Variants in IKBKB-DT observed in about 807,000 individuals in gnomAD.
The protein encoded by IKBKB-DT is IKBKB divergent transcript.
rs572379129 is a variant in IKBKB-DT at position 42,235,306 on chromosome 8, G to A, written n.1530-1447C>T. 3.4e-5 allele frequency among the ~76,000 whole-genome samples: 5 copies of A among 147,918 alleles called. No individual in the cohort carries two copies. The South Asian group carries it at 1.1e-3, about 32-fold the overall frequency. ...AGCAACCTCTGCTTTCCAGGTTCAA[G>A]TGATTCTCGTGCCTCAGCCTCCCAA... On this transcript the variant is annotated intron_variant and non_coding_transcript_variant, in intron 3 of 3. Coordinates refer to ENST00000518213, the Ensembl canonical transcript of IKBKB-DT.
intron 2 of IKBKB-DT, among the ~76,000 whole-genome samples, chr8:42,263,883 C>A (rs577668726): frequency 6.6e-6 from 1 of 152,320 alleles, no homozygotes; most frequent in South Asian, 2.1e-4. Context: ...ACGATTTTGG[C>A]TCACTGCAAC....
rs986673710 is a variant in IKBKB-DT at position 42,241,304 on chromosome 8, G to A, written n.1530-7445C>T. Among the ~76,000 whole-genome samples the A allele has an allele frequency of 1.6e-5, 2 of 126,308 alleles. 1 individual carries two copies. The highest frequency in any genetic ancestry group is 5.0e-4 in the South Asian group (2 of 4,020). 82.9% of individuals were successfully genotyped at this position (126,308 alleles called of 152,430 possible). On this transcript the variant is annotated intron_variant and non_coding_transcript_variant, in intron 3 of 3. Coordinates refer to ENST00000518213, the Ensembl canonical transcript of IKBKB-DT. Reference sequence around the variant, plus strand: ...CCAGTTGAAAATCTGTGGCCCAGGAGGCAGAGAATGTAATACCATTTTCTG... The same window carrying A: ...CCAGTTGAAAATCTGTGGCCCAGGAAGCAGAGAATGTAATACCATTTTCTG...
chr8:42,257,512 T>A (rs978981107), intron 3 of IKBKB-DT, among the ~76,000 whole-genome samples: 5 of 145,926 alleles, frequency 3.4e-5, no homozygotes, highest in Non-Finnish European at 7.7e-5. Context: ...AAAAAAAAAA[T>A]TAATAATAAA....
At chr8:42,253,316 A>G (rs1694511289) in intron 3 of IKBKB-DT, among the ~76,000 whole-genome samples, 1 of 152,182 alleles carries the variant, frequency 6.6e-6, no homozygotes, top group Non-Finnish European at 1.5e-5. Flanking sequence ...AAACCAATGT[A>G]TTTCTCAAAT....
chr8:42,248,823 G>A (rs920228137), intron 3 of IKBKB-DT, among the ~76,000 whole-genome samples: 2 of 149,854 alleles, frequency 1.3e-5, no homozygotes, highest in African/African-American at 5.0e-5. Flanking sequence ...GTTACAGTGA[G>A]CTGAGATCGT....
chr8:42,238,523 A>T (rs1806954544), intron 3 of IKBKB-DT, among the ~76,000 whole-genome samples: 1 of 152,222 alleles, frequency 6.6e-6, no homozygotes, highest in Non-Finnish European at 1.5e-5. Context: ...TTTTGCTAAG[A>T]TGCAGGTGTA....
intron 2 of IKBKB-DT, among the ~76,000 whole-genome samples, chr8:42,265,129 T>C (rs547797274): frequency 6.6e-6 from 1 of 152,162 alleles, no homozygotes; most frequent in African/African-American, 2.4e-5. Context: ...TCCCAAAGTG[T>C]TGGGATTACA....
chr8:42,261,406 T>C (rs1230181794), intron 3 of IKBKB-DT, among the ~76,000 whole-genome samples: 1 of 152,146 alleles, frequency 6.6e-6, no homozygotes, highest in Non-Finnish European at 1.5e-5. Flanking sequence ...ATTTAAAATG[T>C]AACACCAGTC....
chr8:42,237,646 G>A (rs1328316613), intron 3 of IKBKB-DT, among the ~76,000 whole-genome samples: 1 of 151,986 alleles, frequency 6.6e-6, no homozygotes, highest in Admixed American at 6.6e-5. Context: ...ACCAGTAAAG[G>A]CCAAGTGGGG....
chr8:42,238,707 A>G (rs189076656), intron 3 of IKBKB-DT, among the ~76,000 whole-genome samples: 15 of 152,180 alleles, frequency 9.9e-5, no homozygotes, highest in Admixed American at 2.6e-4. Context: ...CAGGCTTTTT[A>G]ATTCTGGGAC....
At chr8:42,250,299 G>T (rs796947485) in intron 3 of IKBKB-DT, among the ~76,000 whole-genome samples, 15 of 152,206 alleles carry the variant, frequency 9.9e-5, no homozygotes, top group African/African-American at 3.6e-4. Flanking sequence ...TCCAGGTGGA[G>T]CCATCGGTAT....
At chr8:42,246,595 C>T (rs764452439) in intron 3 of IKBKB-DT, among the ~76,000 whole-genome samples, 2 of 152,152 alleles carry the variant, frequency 1.3e-5, no homozygotes, top group Non-Finnish European at 2.9e-5. Flanking sequence ...CTTAGCTCTA[C>T]GATATCAGTA....
At chr8:42,235,739 G>A (rs906870895) in intron 3 of IKBKB-DT, among the ~76,000 whole-genome samples, 1 of 152,112 alleles carries the variant, frequency 6.6e-6, no homozygotes, top group Non-Finnish European at 1.5e-5. Context: ...CATCTCCCAC[G>A]TGGCATGGCC....
intron 3 of IKBKB-DT, among the ~76,000 whole-genome samples, chr8:42,260,577 G>A (rs1290503535): frequency 6.6e-6 from 1 of 151,186 alleles, no homozygotes; most frequent in Non-Finnish European, 1.5e-5. Context: ...GGCTGAGGCA[G>A]GGGAATCGCT....
intron 3 of IKBKB-DT, among the ~76,000 whole-genome samples, chr8:42,258,820 GT>G (rs1807242456): frequency 6.6e-6 from 1 of 151,934 alleles, no homozygotes; most frequent in South Asian, 2.1e-4. Flanking sequence ...TTGCATACAA[GT>G]TTTGTTCTTT....
At chr8:42,261,493 A>T (rs1207361634) in intron 3 of IKBKB-DT, among the ~76,000 whole-genome samples, 1 of 152,222 alleles carries the variant, frequency 6.6e-6, no homozygotes, top group Non-Finnish European at 1.5e-5. Flanking sequence ...AACTGTCACC[A>T]AGTAGCCATA....
chr8:42,268,694 G>C (rs980161781), intron 1 of IKBKB-DT, among the ~76,000 whole-genome samples: 1 of 151,286 alleles, frequency 6.6e-6, no homozygotes, highest in African/African-American at 2.4e-5. Flanking sequence ...AGCCTCCCAA[G>C]TAGCTGGGAT....
rs549580441 is a variant in IKBKB-DT, at chr8:42,271,209, T to A, written n.45A>T. 1.8e-4 allele frequency: 109 copies of A among 606,794 alleles called. 1 individual carries two copies. In the South Asian group the frequency reaches 1.9e-3, roughly 11 times the overall value. The allele number at this position is 606,794 out of a possible 1,614,324, so 37.6% of individuals were successfully genotyped here. ...CCCGGGGGAGTCGCCCGGTCGAGGG[T>A]CCCGGGACAGGCGCAGCACTCGCAG... On this transcript the variant is annotated non_coding_transcript_exon_variant, in exon 1 of 4. Transcript: ENST00000518213.
chr8:42,259,471 G>C (rs2129927915), intron 3 of IKBKB-DT, among the ~76,000 whole-genome samples: 1 of 152,148 alleles, frequency 6.6e-6, no homozygotes, highest in Admixed American at 6.5e-5. Flanking sequence ...AAAATATCTA[G>C]GTATGCAGTA....
Sources: gnomAD v4.1 joint callset for allele counts (sites outside exome capture counted in the v4.1 genomes callset) on GRCh38, gnomAD v4.1.1 for gene constraint, MANE v1.5 for transcripts, NCBI Gene and HGNC (gene_info 2026-07-23, HGNC 2026-07-21) for gene names.